PTCH1: variants seen among roughly 807,000 people sequenced by gnomAD.
PTCH1 encodes patched 1.
A neutral mutation model predicts 144.6 loss-of-function variants in PTCH1; 14 were observed. The observed-to-expected ratio is 0.10, with a 90% confidence interval of 0.06 to 0.15. The LOEUF (loss-of-function observed/expected upper bound fraction) is 0.15, where lower values mean the gene tolerates loss of function less well. Ranked by LOEUF, PTCH1 falls within the 10% of genes least tolerant of loss-of-function variation. PTCH1 has a pLI of 1.00. For synonymous variants in PTCH1, 833 were observed against 793.6 expected (o/e 1.05, Z -0.83); for missense variants, 1,623 against 1,948.3 (o/e 0.83, Z 3.14).
intron 15 of PTCH1, among the ~76,000 whole-genome samples, chr9:95,465,752 T>C (rs1839943403): frequency 6.6e-6 from 1 of 152,204 alleles, no homozygotes; most frequent in African/African-American, 2.4e-5. Context: ...ACAAGCCTAA[T>C]TAAGTGGGAA....
rs138175934 is a variant in PTCH1 at position 95,500,950 on chromosome 9, C to T, written c.394+5457G>A. On this transcript the variant is annotated intron_variant, in intron 2 of 23. Coordinates refer to ENST00000331920, the MANE Select transcript of PTCH1 (RefSeq NM_000264.5). ...TTCTTCCATGGCCTCTTTCCTCTTT[C>T]GACCCATCACGGTGTTTTTCTTTGA... 3.4e-3 allele frequency among the ~76,000 whole-genome samples: 519 copies of T among 152,280 alleles called. 5 individuals are homozygous for T. The highest frequency in any genetic ancestry group is 0.012 in the African/African-American group (493 of 41,538).
chr9:95,447,787 A>G (rs1838092923), intron 22 of PTCH1, among the ~76,000 whole-genome samples: 1 of 152,112 alleles, frequency 6.6e-6, no homozygotes, highest in African/African-American at 2.4e-5. Context: ...GCAGGCTCTG[A>G]GCTGCCCCTC....
intron 2 of PTCH1, chr9:95,495,475 A>G (rs566656222): frequency 1.3e-5 from 2 of 150,574 alleles, no homozygotes; most frequent in African/African-American, 4.9e-5. Flanking sequence ...CTGACAGTGG[A>G]GGTAGGGGGA....
In PTCH1 at chr9:95,508,589, C is replaced by T. The variant is rs1843946236; in HGVS notation, c.-228G>A. 2 of 998,318 alleles carry T rather than the reference C, an allele frequency of 2.0e-6. No homozygotes were observed. Among genetic ancestry groups the T allele is most frequent in the Middle Eastern group, 5.1e-4 (1 of 1,980 alleles). 61.8% of individuals were successfully genotyped at this position (998,318 alleles called of 1,614,324 possible). A position where few individuals can be genotyped will look rare whatever the true frequency, so the allele number is the denominator to read the frequency against. ...CCGCGGCCGCTGCCGGGGAGTCAGA[C>T]CCTGCGCCTTCCATTGCCACATTGC... On this transcript the variant is annotated 5_prime_UTR_variant, in exon 1 of 24. Coordinates refer to ENST00000331920, the MANE Select transcript of PTCH1 (RefSeq NM_000264.5).
intron 2 of PTCH1, chr9:95,503,377 C>T (rs1483882542): frequency 6.6e-6 from 1 of 152,242 alleles, no homozygotes; most frequent in Non-Finnish European, 1.5e-5. Flanking sequence ...ACACTACTTA[C>T]TGCTGACGTG....
intron 14 of PTCH1, among the ~76,000 whole-genome samples, chr9:95,468,092 G>C (rs1379469306): frequency 6.6e-6 from 1 of 152,078 alleles, no homozygotes; most frequent in East Asian, 1.9e-4. Flanking sequence ...TTTTGAGACA[G>C]GGTCTTACTC....
rs2117953676 is a variant in PTCH1, at chr9:95,467,195, A to T, written c.2481T>A (p.Ser827Arg). 6.2e-7 allele frequency: 1 copy of T among 1,614,256 alleles called. No homozygotes were observed. Among genetic ancestry groups the T allele is most frequent in the Non-Finnish European group, 8.5e-7 (1 of 1,180,040 alleles). Residue 827 changes from serine to arginine, a missense_variant, in exon 15 of 24, where the codon AGT becomes AGA. This residue lies in a region of PTCH1 where 504 missense variants were observed against 679.3 expected (regional missense o/e 0.74). Transcript: ENST00000331920. ...CTTCCAACATGACATACTTCACGTT[A>T]CTGAAACTCCTGTGTAGGTCGTAAA... is the stretch of plus-strand genomic sequence containing the variant. ...HLLYDLHRSF[S>R]NVKYVMLEEN...
At chr9:95,477,518 G>C in intron 10 of PTCH1, 29 bp downstream of exon 10, 1 of 1,613,988 alleles carries the variant, frequency 6.2e-7, no homozygotes, top group South Asian at 1.1e-5. Flanking sequence ...ATTTGTCAAC[G>C]GACAGCAGAT....
At position 95,456,368 on chromosome 9, in the gene PTCH1, C is replaced by T. The variant is rs779857568; in HGVS notation, c.3214G>A (p.Gly1072Ser). ...GCACTGAGCTTGATTCCGATGAGGC[C>T]CATCATGCCGAACAGCTCGACCGTC... Reference protein sequence around the residue: ...LMTVELFGMMGLIGIKLSAVP... With the variant: ...LMTVELFGMMSLIGIKLSAVP... Residue 1072 changes from glycine (G) to serine (S), a missense_variant, in exon 19 of 24, where the codon GGC becomes AGC. Gly to Ser is a moderately conservative substitution (Grantham distance 56). Coordinates refer to ENST00000331920, the MANE Select transcript of PTCH1 (RefSeq NM_000264.5). 6.2e-7 allele frequency: 1 copy of T among 1,613,964 alleles called. No homozygotes were observed. The highest frequency in any genetic ancestry group is 8.5e-7 in the Non-Finnish European group (1 of 1,180,044).
chr9:95,503,566 T>G (rs1216528158), intron 2 of PTCH1, among the ~76,000 whole-genome samples: 3 of 152,170 alleles, frequency 2.0e-5, no homozygotes, highest in Non-Finnish European at 4.4e-5. Context: ...AATGAATGAA[T>G]GAATGAATGA....
At position 95,447,357 on chromosome 9, in the gene PTCH1, T is replaced by A. The variant is rs769680080; in HGVS notation, c.3899A>T (p.Gln1300Leu). 3.7e-6 allele frequency: 6 copies of A among 1,613,326 alleles called. No homozygotes were observed. The highest frequency in any genetic ancestry group is 5.1e-6 in the Non-Finnish European group (6 of 1,179,898). Reference protein sequence around the residue: ...SGSLPPGRQGQQPRRDPPREG... With the variant: ...SGSLPPGRQGLQPRRDPPREG... ...TCTGGGGGGGTCCCTGCGGGGCTGC[T>A]GGCCTTGCCGTCCGGGAGGCAGGGA... The change falls in exon 23 of 24, where the codon CAG becomes CTG. Residue 1300 changes from glutamine to leucine, a missense_variant. Around this residue, in one of 7 missense-constraint regions of PTCH1, gnomAD observed 291 missense variants for 287.4 expected, o/e 1.01. Transcript: ENST00000331920.
chr9:95,515,931 C>CCTGCGG (rs987690591), intron 1 of PTCH1, among the ~76,000 whole-genome samples: 24 of 152,108 alleles, frequency 1.6e-4, no homozygotes, highest in African/African-American at 5.3e-4. Flanking sequence ...CGTGCCCTTC[C>CCTGCGG]CTGCGGCTGC....
At chr9:95,507,291 T>C (rs1564089865) in intron 1 of PTCH1, 1 of 985,316 alleles carries the variant, frequency 1.0e-6, no homozygotes, top group East Asian at 1.1e-4. Context: ...CCTTCCTTTC[T>C]GGTTAAACGT....
intron 2 of PTCH1, among the ~76,000 whole-genome samples, chr9:95,505,975 T>TAAA (rs1843569732): frequency 6.8e-6 from 1 of 146,666 alleles, no homozygotes; most frequent in Non-Finnish European, 1.5e-5. Context: ...TCTCCCCGAC[T>TAAA]CCTTTTTCTT....
At chr9:95,453,852 A>G (rs1461730512) in intron 19 of PTCH1, among the ~76,000 whole-genome samples, 4 of 152,224 alleles carry the variant, frequency 2.6e-5, no homozygotes, top group African/African-American at 9.6e-5. Flanking sequence ...CAGTAAAATC[A>G]AAACTATATA....
chr9:95,507,905 T>TATAC (rs1554709325), intron 1 of PTCH1: 490 of 1,286,288 alleles, frequency 3.8e-4, no homozygotes, highest in Non-Finnish European at 4.8e-4. Context: ...GGCGTGTGTA[T>TATAC]ACACACACAC....
In PTCH1 at chr9:95,477,718, T is replaced by TG. The variant is rs750690933; in HGVS notation, c.1348-17dup. ...CATAGGCGAGCTGCAAGCAGAACAA[T>TG]GGGGGCACAGAACAAAAGCCGAACA... On this transcript the variant is annotated splice_polypyrimidine_tract_variant and intron_variant, in intron 9 of 23. Transcript: ENST00000331920. 6.2e-7 allele frequency: 1 copy of TG among 1,613,810 alleles called. No homozygotes were observed. Among genetic ancestry groups the TG allele is most frequent in the South Asian group, 1.1e-5 (1 of 91,058 alleles).
chr9:95,516,528 T>A (rs1770883600), exon 1 of PTCH1: 2 of 1,542,218 alleles, frequency 1.3e-6, no homozygotes, highest in Non-Finnish European at 1.7e-6. Context: ...ACGCTGGGCT[T>A]GGATTTCACA....
chr9:95,473,275 T>A (rs1045585256), intron 12 of PTCH1, among the ~76,000 whole-genome samples: 2 of 152,224 alleles, frequency 1.3e-5, no homozygotes, highest in African/African-American at 4.8e-5. Flanking sequence ...GAGTTTTATA[T>A]GGAAAATTCT....
Sources: gnomAD v4.1 joint callset for allele counts (sites outside exome capture counted in the v4.1 genomes callset) on GRCh38, gnomAD v4.1.1 for gene constraint, gnomAD v4.1.1 regional missense constraint, MANE v1.5 for transcripts, NCBI Gene and HGNC (gene_info 2026-07-23, HGNC 2026-07-21) for gene names.